Variants in TIAM2 observed in about 807,000 individuals in gnomAD.
TIAM2 encodes TIAM Rac1 associated GEF 2.
TIAM2 carries 80 observed loss-of-function variants against 152.9 expected under a neutral mutation model. The observed-to-expected ratio is 0.52, with a 90% CI of 0.44 to 0.63. TIAM2 has a LOEUF of 0.63. Ranked by LOEUF, TIAM2 falls within the 30% of genes least tolerant of loss-of-function variation. The pLI is 0.00. For synonymous variants in TIAM2, 804 were observed against 838.0 expected, an observed-to-expected ratio of 0.96 and a Z score of 0.70; for missense variants, 1,965 against 2,120.1, an observed-to-expected ratio of 0.93 and a Z score of 1.44.
intron 1 of TIAM2, among the ~76,000 whole-genome samples, chr6:155,025,470 C>G (rs967062831): frequency 6.6e-6 from 1 of 151,882 alleles, no homozygotes; most frequent in Non-Finnish European, 1.5e-5. Flanking sequence ...CATGAGCCAC[C>G]GCGCCCGGCC....
At chr6:155,212,392 G>C (rs955707491) in intron 15 of TIAM2, among the ~76,000 whole-genome samples, 2 of 152,092 alleles carry the variant, frequency 1.3e-5, no homozygotes, top group African/African-American at 4.8e-5. Context: ...TTAACTGTTT[G>C]TTGTCAGCTA....
chr6:155,202,474 A>G (rs1781494681), intron 14 of TIAM2, among the ~76,000 whole-genome samples: 1 of 152,192 alleles, frequency 6.6e-6, no homozygotes, highest in South Asian at 2.1e-4. Flanking sequence ...GCTGGAGTGC[A>G]ATGGCACAAT....
At chr6:155,123,487 C>A (rs975417920) in intron 2 of TIAM2, among the ~76,000 whole-genome samples, 8 of 152,262 alleles carry the variant, frequency 5.3e-5, no homozygotes, top group South Asian at 4.2e-4. Context: ...GCCTTGAGTG[C>A]ACAGCATCCA....
At chr6:155,187,871 C>T (rs188692199) in intron 14 of TIAM2, among the ~76,000 whole-genome samples, 2 of 152,220 alleles carry the variant, frequency 1.3e-5, no homozygotes, top group Admixed American at 1.3e-4. Context: ...AGTCACTGTG[C>T]TCGGCCGCAA....
At chr6:155,192,135 C>T (rs550870393) in intron 14 of TIAM2, among the ~76,000 whole-genome samples, 30 of 152,038 alleles carry the variant, frequency 2.0e-4, no homozygotes, top group South Asian at 1.9e-3. Flanking sequence ...TTGACAGCCA[C>T]GAGCCAAGGA....
At chr6:155,072,570 G>A (rs895277670) in intron 1 of TIAM2, among the ~76,000 whole-genome samples, 1 of 152,126 alleles carries the variant, frequency 6.6e-6, no homozygotes, top group Non-Finnish European at 1.5e-5. Context: ...GGTGATAAGG[G>A]GTTAGGGTAG....
chr6:155,109,144 C>T (rs4870351), intron 2 of TIAM2, among the ~76,000 whole-genome samples: 21,669 of 152,000 alleles, frequency 0.14, 1,691 homozygotes, highest in East Asian at 0.27. Context: ...CCACCACACC[C>T]GGCTAATTTT....
chr6:154,997,515 A>G (rs1778237180), intron 1 of TIAM2, among the ~76,000 whole-genome samples: 1 of 151,386 alleles, frequency 6.6e-6, no homozygotes, highest in Non-Finnish European at 1.5e-5. Context: ...AGTATGGGTT[A>G]GTAGTGACCC....
At chr6:155,052,117 T>C (rs1435333507) in intron 1 of TIAM2, among the ~76,000 whole-genome samples, 3 of 152,066 alleles carry the variant, frequency 2.0e-5, no homozygotes, top group African/African-American at 7.2e-5. Context: ...TTGTTACCTG[T>C]GGTCTCTGTG....
intron 14 of TIAM2, among the ~76,000 whole-genome samples, chr6:155,188,539 T>C (rs796568886): frequency 2.0e-5 from 3 of 152,316 alleles, no homozygotes; most frequent in African/African-American, 7.2e-5. Flanking sequence ...AAAAACTTTT[T>C]ATGGAGAGAA....
chr6:155,067,146 C>T (rs1267708810), intron 1 of TIAM2, among the ~76,000 whole-genome samples: 6 of 152,074 alleles, frequency 3.9e-5, no homozygotes, highest in Admixed American at 2.0e-4. Context: ...GATCGTAGGA[C>T]CCCAGACTCA....
intron 7 of TIAM2, among the ~76,000 whole-genome samples, chr6:155,161,741 T>A: frequency 6.6e-6 from 1 of 151,378 alleles, no homozygotes; most frequent in East Asian, 2.0e-4. Context: ...CTAATGTTTT[T>A]TTTTTTTTGT....
intron 4 of TIAM2, among the ~76,000 whole-genome samples, chr6:155,136,537 G>T (rs543656456): frequency 1.3e-5 from 2 of 152,204 alleles, no homozygotes; most frequent in South Asian, 2.1e-4. Context: ...GCCTCCCAAA[G>T]TGCTAGAATT....
intron 7 of TIAM2, among the ~76,000 whole-genome samples, chr6:155,161,593 A>T (rs1315677833): frequency 7.1e-6 from 1 of 140,720 alleles, no homozygotes. Context: ...TCTGAGATGG[A>T]GTCTCACTCT....
intron 1 of TIAM2, among the ~76,000 whole-genome samples, chr6:155,060,503 T>C (rs1011201238): frequency 3.9e-5 from 6 of 152,260 alleles, no homozygotes; most frequent in African/African-American, 1.2e-4. Flanking sequence ...TATTTACTTA[T>C]ATAAGTATGG....
chr6:155,250,474 C>A (rs1783586189), intron 21 of TIAM2: 3 of 1,364,136 alleles, frequency 2.2e-6, no homozygotes, highest in African/African-American at 2.9e-5. Flanking sequence ...ATGGCAGGAA[C>A]AGGAAAGGAC....
chr6:155,041,822 C>A (rs905718453), intron 1 of TIAM2, among the ~76,000 whole-genome samples: 1 of 152,074 alleles, frequency 6.6e-6, no homozygotes, highest in Non-Finnish European at 1.5e-5. Context: ...CGATGTAGAC[C>A]CAATTAGGTC....
intron 4 of TIAM2, among the ~76,000 whole-genome samples, chr6:155,133,215 C>G (rs1454808733): frequency 2.0e-5 from 3 of 152,104 alleles, no homozygotes; most frequent in Non-Finnish European, 4.4e-5. Flanking sequence ...GGCATGCTGG[C>G]ATGTGCCTGT....
intron 14 of TIAM2, among the ~76,000 whole-genome samples, chr6:155,208,447 T>C (rs1043044058): frequency 2.0e-5 from 3 of 152,186 alleles, no homozygotes; most frequent in Non-Finnish European, 4.4e-5. Flanking sequence ...TTCACTGCTA[T>C]GGAGTGATAG....
Sources: allele counts gnomAD v4.1 joint callset (sites outside exome capture counted in the v4.1 genomes callset), GRCh38; gene constraint gnomAD v4.1.1; transcripts MANE v1.5; gene names NCBI Gene and HGNC (gene_info 2026-07-23, HGNC 2026-07-21).